LRP1B: variants seen among roughly 807,000 people sequenced by gnomAD.
The protein encoded by LRP1B is LDL receptor related protein 1B, also known as low-density lipoprotein receptor-related protein 1B.
A neutral mutation model predicts 556.6 loss-of-function variants in LRP1B; 217 were observed. That is an observed-to-expected ratio of 0.39 (90% CI 0.35 to 0.44). LRP1B has a LOEUF of 0.44. Among genes scored for constraint, LRP1B ranks in the 20% least tolerant of loss-of-function variants. LRP1B has a pLI of 1.00. For synonymous variants in LRP1B, 2,047 were observed against 1,865.8 expected, an observed-to-expected ratio of 1.10 and a Z score of -2.50; for missense variants, 5,053 against 5,620.8, an observed-to-expected ratio of 0.90 and a Z score of 3.23.
chr2:140,579,565 G>A lies in LRP1B; in HGVS notation c.7194+19066C>T, dbSNP rs149224542. Reference sequence around the variant, plus strand: ...ACATTTTAAAAGGCTAGGGTAGGCCGGTGCGGTGGCTCAGGCCTGTAATCT... The same window carrying A: ...ACATTTTAAAAGGCTAGGGTAGGCCAGTGCGGTGGCTCAGGCCTGTAATCT... On this transcript the variant is annotated intron_variant, in intron 43 of 90. Transcript: ENST00000389484. 2.0e-3 allele frequency among the ~76,000 whole-genome samples: 307 copies of A among 152,272 alleles called. 3 individuals are homozygous for A. Among genetic ancestry groups the A allele is most frequent in the African/African-American group, 6.5e-3 (268 of 41,546 alleles).
intron 2 of LRP1B, among the ~76,000 whole-genome samples, chr2:141,783,093 G>C (rs777261455): frequency 3.6e-4 from 54 of 152,010 alleles, no homozygotes; most frequent in Non-Finnish European, 2.8e-4. Context: ...ATTGGGCATT[G>C]CTTATGTGTT....
At chr2:141,810,499 G>GTACAT in intron 1 of LRP1B, 98 bp from the exon 2 acceptor site, 1 of 1,241,768 alleles carries the variant, frequency 8.1e-7, no homozygotes, top group African/African-American at 1.5e-5. Flanking sequence ...TACATAAAAG[G>GTACAT]TACATGAATA....
intron 27 of LRP1B, among the ~76,000 whole-genome samples, chr2:140,861,011 TATCTATC>T (rs1455588969): frequency 2.3e-4 from 35 of 152,192 alleles, no homozygotes; most frequent in African/African-American, 7.7e-4. Context: ...TCTATCTATC[TATCTATC>T]TATCTATCTA....
rs762453747 is a variant in LRP1B, at chr2:141,690,396, AATATATAT to A, written c.205+119875_205+119882del. Among the ~76,000 whole-genome samples the A allele has an allele frequency of 4.5e-4, 12 of 26,934 alleles. No individual in the cohort carries two copies. In the East Asian group the frequency reaches 8.8e-3, roughly 20 times the overall value. The allele number at this position is 26,934 out of a possible 152,430, so 17.7% of individuals were successfully genotyped here. A position where few individuals can be genotyped will look rare whatever the true frequency, so the allele number is the denominator to read the frequency against. Reference sequence around the variant, plus strand: ...ATCCAGAAAAGGGATTACATCTATAAATATATATATATATATATATATATATATATATA... The same window carrying A: ...ATCCAGAAAAGGGATTACATCTATAAATATATATATATATATATATATATA... On this transcript the variant is annotated intron_variant, in intron 2 of 90. Coordinates refer to ENST00000389484, the MANE Select transcript of LRP1B (RefSeq NM_018557.3).
intron 20 of LRP1B, among the ~76,000 whole-genome samples, chr2:140,936,185 C>A (rs771256855): frequency 6.6e-6 from 1 of 151,046 alleles, no homozygotes; most frequent in African/African-American, 2.4e-5. Context: ...ACTAAAAATA[C>A]AAAATTTAGC....
Position 141,446,666 on chromosome 2 carries a change from T to C in LRP1B, c.343+33730A>G, listed in dbSNP as rs568813506. ...AAGGATTTTATTTCTCATTTGCTTA[T>C]GAAGCTTAGCTTGGCTGGATATGAT... is the stretch of plus-strand genomic sequence containing the variant. On this transcript the variant is annotated intron_variant, in intron 3 of 90. Coordinates refer to ENST00000389484, the MANE Select transcript of LRP1B (RefSeq NM_018557.3). Among the ~76,000 whole-genome samples, 91 of 152,350 alleles carry C rather than the reference T, an allele frequency of 6.0e-4. 1 individual carries two copies. In the South Asian group the frequency reaches 9.1e-3, roughly 15 times the overall value.
chr2:141,163,998 A>G (rs1680145566), intron 7 of LRP1B, among the ~76,000 whole-genome samples: 1 of 147,678 alleles, frequency 6.8e-6, no homozygotes, highest in Non-Finnish European at 1.5e-5. Flanking sequence ...TAGACCTAAT[A>G]AACAAAATAA....
intron 18 of LRP1B, among the ~76,000 whole-genome samples, chr2:140,957,229 A>G (rs1695900123): frequency 6.6e-6 from 1 of 151,724 alleles, no homozygotes; most frequent in Non-Finnish European, 1.5e-5. Context: ...GATATGAATA[A>G]TATGTTTGAA....
intron 2 of LRP1B, among the ~76,000 whole-genome samples, chr2:141,580,431 A>G (rs1267693929): frequency 6.6e-6 from 1 of 152,222 alleles, no homozygotes; most frequent in Admixed American, 6.5e-5. Context: ...GATCAACTTA[A>G]TAAGCATTTT....
In LRP1B at chr2:140,840,077, T is replaced by C. The variant is rs547774626; in HGVS notation, c.5123A>G (p.Tyr1708Cys). ...LAAHPVRGKL[Y>C]WTDGNTINMA... Reference sequence around the variant, plus strand: ...GTTAATTGTGTTTCCATCGGTCCAGTAGAGTTTTCTTAATTCAAAAGACAT... The same window carrying C: ...GTTAATTGTGTTTCCATCGGTCCAGCAGAGTTTTCTTAATTCAAAAGACAT... The change falls in exon 31 of 91, where the codon TAC becomes TGC. Residue 1708 changes from tyrosine (Y) to cysteine (C), a missense_variant. Tyr to Cys is a radical substitution (Grantham distance 194, BLOSUM62 -2). Around this residue, in one of 5 missense-constraint regions of LRP1B, gnomAD observed 3,619 missense variants for 3,931.9 expected, o/e 0.92. Coordinates refer to ENST00000389484, the MANE Select transcript of LRP1B (RefSeq NM_018557.3). 4.4e-6 allele frequency: 7 copies of C among 1,598,008 alleles called. No homozygotes were observed. Among genetic ancestry groups the C allele is most frequent in the East Asian group, 2.2e-5 (1 of 44,664 alleles).
At position 141,810,362 on chromosome 2, in the gene LRP1B, T is replaced by A. The variant is rs1696318475; in HGVS notation, c.122A>T (p.Asp41Val). 1 of 1,612,966 alleles carries A rather than the reference T, an allele frequency of 6.2e-7. No individual in the cohort carries two copies. The highest frequency in any genetic ancestry group is 1.3e-5 in the African/African-American group (1 of 74,854). ...LCDPGEFLCH[D>V]HVTCVSQSWL... ...GCTCTGGGAGACACAAGTCACGTGATCGTGGCAAAGAAATTCACCAGGATC... is the reference window on the plus strand; with the variant it reads ...GCTCTGGGAGACACAAGTCACGTGAACGTGGCAAAGAAATTCACCAGGATC... The change falls in exon 2 of 91, where the codon GAT becomes GTT. Residue 41 changes from aspartate (D) to valine (V), a missense_variant. Around this residue, in one of 5 missense-constraint regions of LRP1B, gnomAD observed 3,619 missense variants for 3,931.9 expected, o/e 0.92. Transcript: ENST00000389484.
chr2:141,464,606 A>ATATTTTTTTTTT, intron 3 of LRP1B, among the ~76,000 whole-genome samples: 49 of 90,156 alleles, frequency 5.4e-4, no homozygotes, highest in Middle Eastern at 5.5e-3. Flanking sequence ...ATATATATAT[A>ATATTTTTTTTTT]TTTTTTTAGT....
At chr2:140,236,809 T>G (rs1680722040) in intron 89 of LRP1B, among the ~76,000 whole-genome samples, 1 of 151,116 alleles carries the variant, frequency 6.6e-6, no homozygotes, top group South Asian at 2.1e-4. Context: ...CTCTTTTATA[T>G]TTAAAAAATA....
Position 142,105,963 on chromosome 2 carries a change from A to G in LRP1B, c.82+24685T>C, listed in dbSNP as rs142879914. On this transcript the variant is annotated intron_variant, in intron 1 of 90. Coordinates refer to ENST00000389484, the MANE Select transcript of LRP1B (RefSeq NM_018557.3). Reference sequence around the variant, plus strand: ...GAAAGTTGAAGTTTCACAGTATTTCATCTCTACTTTTCTTACGGCATTTAA... The same window carrying G: ...GAAAGTTGAAGTTTCACAGTATTTCGTCTCTACTTTTCTTACGGCATTTAA... Among the ~76,000 whole-genome samples, 886 of 152,206 alleles carry G rather than the reference A, an allele frequency of 5.8e-3. 2 individuals are homozygous for G. The highest frequency in any genetic ancestry group is 0.02 in the African/African-American group (822 of 41,558).
At chr2:140,757,485 C>T (rs576457707) in intron 35 of LRP1B, among the ~76,000 whole-genome samples, 2 of 152,248 alleles carry the variant, frequency 1.3e-5, no homozygotes, top group South Asian at 2.1e-4. Flanking sequence ...CTGATATATG[C>T]TACAAAATAG....
intron 41 of LRP1B, among the ~76,000 whole-genome samples, chr2:140,634,644 A>G (rs1041118203): frequency 1.3e-5 from 2 of 152,126 alleles, no homozygotes; most frequent in South Asian, 2.1e-4. Flanking sequence ...GGTGGTATGC[A>G]TATTTGACAT....
chr2:141,326,577 G>A (rs766411415), intron 3 of LRP1B, among the ~76,000 whole-genome samples: 12 of 152,124 alleles, frequency 7.9e-5, no homozygotes, highest in Non-Finnish European at 1.3e-4. Flanking sequence ...GTTCCCAACC[G>A]ATGAAGACTT....
At chr2:140,974,465 T>G (rs1696530060) in intron 18 of LRP1B, among the ~76,000 whole-genome samples, 1 of 152,198 alleles carries the variant, frequency 6.6e-6, no homozygotes, top group Non-Finnish European at 1.5e-5. Flanking sequence ...CAATTTTCAG[T>G]GCTTCCGTCT....
intron 2 of LRP1B, 36 bp downstream of exon 2, chr2:141,810,243 G>A (rs1463752797): frequency 6.2e-7 from 1 of 1,606,694 alleles, no homozygotes; most frequent in Admixed American, 1.7e-5. Context: ...TCACATGTAA[G>A]GTAAATCCGA....
Sources: gnomAD v4.1 joint callset for allele counts (sites outside exome capture counted in the v4.1 genomes callset) on GRCh38, gnomAD v4.1.1 for gene constraint, gnomAD v4.1.1 regional missense constraint, MANE v1.5 for transcripts, NCBI Gene and HGNC (gene_info 2026-07-23, HGNC 2026-07-21) for gene names.